The following ANK2 variants were observed in gnomAD, a reference collection of about 807,000 sequenced individuals.
ANK2 encodes the protein ankyrin 2.
In ANK2, 83 loss-of-function variants were observed where a neutral mutation model predicts 360.5. The observed-to-expected ratio is 0.23, with a 90% CI of 0.19 to 0.28. The LOEUF (loss-of-function observed/expected upper bound fraction) is 0.28, where lower values mean the gene tolerates loss of function less well. Among genes scored for constraint, ANK2 ranks in the 10% least tolerant of loss-of-function variants. ANK2 has a pLI of 1.00. For synonymous variants in ANK2, 1,740 were observed against 1,759.5 expected, an observed-to-expected ratio of 0.99 and a Z score of 0.28; for missense variants, 4,201 against 4,795.7, an observed-to-expected ratio of 0.88 and a Z score of 3.66.
At position 112,976,622 on chromosome 4, in the gene ANK2, A is replaced by G. The variant is rs557330892; in HGVS notation, c.21+72108A>G. Among the ~76,000 whole-genome samples the G allele has an allele frequency of 2.6e-5, 4 of 152,250 alleles. No homozygotes were observed. In the South Asian group the frequency reaches 8.3e-4, roughly 32 times the overall value. The stretch of plus-strand genomic sequence containing the variant: ...CTTAATTAATTTTAAAATGAAATGT[A>G]AACTGATAGTAGAAATGTAAGGTGA... On this transcript the variant is annotated intron_variant, in intron 2 of 30. Transcript: ENST00000503271.
At chr4:112,921,040 T>C (rs2091337611) in intron 2 of ANK2, among the ~76,000 whole-genome samples, 1 of 151,744 alleles carries the variant, frequency 6.6e-6, no homozygotes, top group Admixed American at 6.6e-5. Flanking sequence ...TTATGTATTA[T>C]TTTCTTTTTC....
chr4:113,042,680 A>C (rs2063274340), intron 2 of ANK2, among the ~76,000 whole-genome samples: 2 of 152,138 alleles, frequency 1.3e-5, no homozygotes, highest in African/African-American at 4.8e-5. Flanking sequence ...GGAAGCTACC[A>C]TTCAACTATG....
intron 1 of ANK2, among the ~76,000 whole-genome samples, chr4:112,867,693 A>G (rs542205414): frequency 1.1e-4 from 17 of 150,006 alleles, no homozygotes; most frequent in Admixed American, 1.3e-4. Flanking sequence ...TTCATTTGGC[A>G]TAATGTTTTC....
intron 6 of ANK2, 47 bp downstream of exon 6, chr4:113,237,219 A>T (rs1468181262): frequency 6.4e-7 from 1 of 1,572,680 alleles, no homozygotes; most frequent in African/African-American, 1.4e-5. Flanking sequence ...TTTGGCTGCC[A>T]GACTCCTCCT....
At chr4:112,890,542 T>C (rs1469560576) in intron 1 of ANK2, among the ~76,000 whole-genome samples, 2 of 148,598 alleles carry the variant, frequency 1.3e-5, no homozygotes. Context: ...GAATTTATGA[T>C]ATACATTTCT....
chr4:113,237,622 G>A lies in ANK2; in HGVS notation c.693G>A (p.Glu231=). The change falls in exon 7 of 46, where the codon GAG becomes GAA. Residue 231 remains glutamate (E), a splice_region_variant and synonymous_variant. Coordinates refer to ENST00000357077, the MANE Select transcript of ANK2 (RefSeq NM_001148.6). ...QSKMMVNRTT[E]SGFTPLHIAA... ...AGATGATGGTGAATAGGACAACTGA[G>A]GTACAGTATTGTGGTTATACCAAAA... 6.2e-7 allele frequency: 1 copy of A among 1,608,880 alleles called. No homozygotes were observed. Among genetic ancestry groups the A allele is most frequent in the Non-Finnish European group, 8.5e-7 (1 of 1,175,356 alleles).
chr4:112,904,031 T>C (rs2084365671), intron 1 of ANK2, among the ~76,000 whole-genome samples: 1 of 152,176 alleles, frequency 6.6e-6, no homozygotes, highest in Non-Finnish European at 1.5e-5. Context: ...TTTCTTAGTT[T>C]TTGTCATTGA....
At position 113,311,244 on chromosome 4, in the gene ANK2, A is replaced by G. The variant is rs1481767332; in HGVS notation, c.2549-11A>G. 1.1e-5 allele frequency: 18 copies of G among 1,614,062 alleles called. No homozygotes were observed. Among genetic ancestry groups the G allele is most frequent in the Admixed American group, 6.7e-5 (4 of 60,024 alleles). The stretch of plus-strand genomic sequence containing the variant: ...AGAAATAATCCTGCTTCTTCCTCTG[A>G]TTGTTTCAAGGTGATGACACAATGA... On this transcript the variant is annotated splice_polypyrimidine_tract_variant and intron_variant, in intron 23 of 45. Coordinates refer to ENST00000357077, the MANE Select transcript of ANK2 (RefSeq NM_001148.6).
chr4:113,078,715 G>A (rs2154345568), intron 1 of ANK2, among the ~76,000 whole-genome samples: 1 of 152,274 alleles, frequency 6.6e-6, no homozygotes, highest in East Asian at 1.9e-4. Context: ...TCCCAGGTAG[G>A]CTGAATGCAG....
At chr4:113,366,000 C>T (rs1405357372) in intron 41 of ANK2, among the ~76,000 whole-genome samples, 1 of 152,154 alleles carries the variant, frequency 6.6e-6, no homozygotes, top group Non-Finnish European at 1.5e-5. Context: ...GCAAGTATCC[C>T]TTTTGGCTTC....
rs868204181 is a variant in ANK2 at position 112,880,377 on chromosome 4, T to C, written c.-39-24078T>C. On this transcript the variant is annotated intron_variant, in intron 1 of 30. Transcript: ENST00000503271. ...GTAAAGAATACCTCATTTTGTTTGA[T>C]TGTAGCTAATATACCAGTTGTTACA... 3.3e-5 allele frequency: 5 copies of C among 152,308 alleles called. No individual in the cohort carries two copies. In the South Asian group the frequency reaches 6.2e-4, roughly 19 times the overall value. The allele number at this position is 152,308 out of a possible 1,614,324, so 9.4% of individuals were successfully genotyped here.
At chr4:112,949,399 G>C (rs1018163766) in intron 2 of ANK2, among the ~76,000 whole-genome samples, 19 of 152,080 alleles carry the variant, frequency 1.2e-4, no homozygotes, top group Non-Finnish European at 2.1e-4. Context: ...ATGTTCAGTA[G>C]CTGGGTTTTG....
At chr4:112,827,848 C>T (rs990240347) in intron 1 of ANK2, among the ~76,000 whole-genome samples, 49 of 152,154 alleles carry the variant, frequency 3.2e-4, no homozygotes, top group Middle Eastern at 6.8e-3. Flanking sequence ...ATATTTTTTA[C>T]AGAACTAGAA....
At chr4:113,311,776 T>C (rs1008700910) in intron 24 of ANK2, among the ~76,000 whole-genome samples, 2 of 152,222 alleles carry the variant, frequency 1.3e-5, no homozygotes, top group Non-Finnish European at 2.9e-5. Flanking sequence ...CTTTGGATAC[T>C]CTTCTGCCCC....
intron 15 of ANK2, among the ~76,000 whole-genome samples, chr4:113,275,081 T>TC (rs2059751803): frequency 6.6e-6 from 1 of 152,222 alleles, no homozygotes; most frequent in Non-Finnish European, 1.5e-5. Context: ...AATTTACTTG[T>TC]ACATTTTCGC....
upstream of ANK2, among the ~76,000 whole-genome samples, chr4:113,049,000 A>G (rs554226444): frequency 4.9e-4 from 74 of 151,838 alleles, 1 homozygote; most frequent in South Asian, 6.7e-3. Context: ...TCAAGAAAAG[A>G]TGGTTAGGTA....
At chr4:112,827,078 C>G (rs558716936) in intron 1 of ANK2, 1 of 1,162,370 alleles carries the variant, frequency 8.6e-7, no homozygotes, top group South Asian at 1.2e-5. Context: ...ATCACCCATG[C>G]AACACAGGAA....
In ANK2 at chr4:112,850,504, C is replaced by CTTTTTTTTTTTTTTTTTTTT. The variant is rs60510554; in HGVS notation, c.-40+32251_-40+32270dup. Among the ~76,000 whole-genome samples the CTTTTTTTTTTTTTTTTTTTT allele has an allele frequency of 1.4e-3, 8 of 5,820 alleles. 2 individuals carry two copies. Among genetic ancestry groups the CTTTTTTTTTTTTTTTTTTTT allele is most frequent in the African/African-American group, 2.1e-3 (3 of 1,406 alleles). 3.8% of individuals were successfully genotyped at this position (5,820 alleles called of 152,430 possible). A position where few individuals can be genotyped will look rare whatever the true frequency, so the allele number is the denominator to read the frequency against. ...TTTTTTTAACATTTCCTGTGCTAGTCTTTTTTTTTTTTTTTTTTTTTTTTT... is the reference window on the plus strand; with the variant it reads ...TTTTTTTAACATTTCCTGTGCTAGTCTTTTTTTTTTTTTTTTTTTTTTTTTTTTTTTTTTTTTTTTTTTTT... On this transcript the variant is annotated intron_variant, in intron 1 of 30. Coordinates refer to the ANK2 transcript ENST00000503271.
chr4:113,097,876 G>GTATATA (rs1562040937), intron 1 of ANK2, among the ~76,000 whole-genome samples: 2 of 105,922 alleles, frequency 1.9e-5, no homozygotes, highest in African/African-American at 6.1e-5. Context: ...GTATATATAT[G>GTATATA]CACACACACA....
Sources: allele counts gnomAD v4.1 joint callset (sites outside exome capture counted in the v4.1 genomes callset), GRCh38; gene constraint gnomAD v4.1.1; transcripts MANE v1.5; gene names NCBI Gene and HGNC (gene_info 2026-07-23, HGNC 2026-07-21).